The following PITPNC1 variants were observed in gnomAD, a reference collection of about 807,000 sequenced individuals.
PITPNC1 encodes the protein cytoplasmic phosphatidylinositol transfer protein 1.
PITPNC1 carries 18 observed loss-of-function variants against 44.7 expected under a neutral mutation model. That is an observed-to-expected ratio of 0.40 (90% CI 0.28 to 0.60). PITPNC1 has a LOEUF of 0.60. Ranked by LOEUF, PITPNC1 falls within the 20% of genes least tolerant of loss-of-function variation. The pLI, the probability that PITPNC1 is intolerant of heterozygous loss-of-function variation, is 0.39. For missense variants in PITPNC1, 290 were observed against 418.4 expected, an observed-to-expected ratio of 0.69 and a Z score of 2.68; for synonymous variants, 141 against 149.6, an observed-to-expected ratio of 0.94 and a Z score of 0.42.
At chr17:67,680,272 A>C (rs754353590) in intron 8 of PITPNC1, among the ~76,000 whole-genome samples, 1 of 151,774 alleles carries the variant, frequency 6.6e-6, no homozygotes, top group South Asian at 2.1e-4. Context: ...TCCCCTGCCT[A>C]CTCCCTGCTC....
Position 67,655,374 on chromosome 17 carries a change from C to T in PITPNC1, c.463-14134C>T, listed in dbSNP as rs574794499. Among the ~76,000 whole-genome samples, 8 of 151,806 alleles carry T rather than the reference C, an allele frequency of 5.3e-5. No individual in the cohort carries two copies. The East Asian group carries it at 5.9e-4, about 11-fold the overall frequency. ...GAGATCAAGACCATCCTGGCTAACA[C>T]GGTGAAACCCCATCTCTACTAAAAA... On this transcript the variant is annotated intron_variant, in intron 6 of 8. Transcript: ENST00000581322.
At chr17:67,493,957 C>T (rs963143193) in intron 1 of PITPNC1, among the ~76,000 whole-genome samples, 6 of 152,186 alleles carry the variant, frequency 3.9e-5, no homozygotes, top group Non-Finnish European at 8.8e-5. Context: ...CATTTTATTT[C>T]TGCAGTCAAC....
rs149960174 is a variant in PITPNC1 at position 67,578,597 on chromosome 17, A to G, written c.366+340A>G. Among the ~76,000 whole-genome samples, 4 of 152,324 alleles carry G rather than the reference A, an allele frequency of 2.6e-5. No individual in the cohort carries two copies. The East Asian group carries it at 5.8e-4, about 22-fold the overall frequency. ...ATTGGACAGAGTACACATCTTCTCA[A>G]TGCCTATTAATATCTACTTCGGAAA... On this transcript the variant is annotated intron_variant, in intron 5 of 8. Transcript: ENST00000581322.
At chr17:67,413,837 C>T (rs180682296) in intron 1 of PITPNC1, among the ~76,000 whole-genome samples, 208 of 152,216 alleles carry the variant, frequency 1.4e-3, no homozygotes, top group Admixed American at 4.8e-3. Context: ...GGCAGGACCT[C>T]ATAAGAAAAT....
At chr17:67,431,890 A>G (rs1305587886) in intron 1 of PITPNC1, among the ~76,000 whole-genome samples, 1 of 152,308 alleles carries the variant, frequency 6.6e-6, no homozygotes, top group East Asian at 1.9e-4. Flanking sequence ...TATTTCAGCA[A>G]CATTTATCTT....
chr17:67,400,670 C>T (rs1015103970), intron 1 of PITPNC1, among the ~76,000 whole-genome samples: 4 of 151,974 alleles, frequency 2.6e-5, no homozygotes, highest in African/African-American at 9.7e-5. Flanking sequence ...AACCAGAGCC[C>T]TCTTTCTAAA....
chr17:67,490,270 G>A (rs765288513), intron 1 of PITPNC1, among the ~76,000 whole-genome samples: 16 of 152,162 alleles, frequency 1.1e-4, no homozygotes, highest in Admixed American at 2.6e-4. Context: ...ATACTTGTGT[G>A]TGTGTGTGTG....
intron 1 of PITPNC1, among the ~76,000 whole-genome samples, chr17:67,432,201 TA>T (rs2038866113): frequency 1.3e-5 from 2 of 152,172 alleles, no homozygotes; most frequent in South Asian, 4.1e-4. Context: ...TAAAATACAC[TA>T]ACACTGGCCG....
intron 6 of PITPNC1, among the ~76,000 whole-genome samples, chr17:67,652,232 C>A (rs2042217165): frequency 6.6e-6 from 1 of 152,300 alleles, no homozygotes; most frequent in South Asian, 2.1e-4. Flanking sequence ...ATAAGATTGC[C>A]TCCAAGATGC....
At chr17:67,544,638 A>C (rs1034536035) in intron 2 of PITPNC1, among the ~76,000 whole-genome samples, 6 of 152,284 alleles carry the variant, frequency 3.9e-5, no homozygotes, top group African/African-American at 1.4e-4. Context: ...CTTCCACGGC[A>C]ATGTCTCCTG....
intron 1 of PITPNC1, among the ~76,000 whole-genome samples, chr17:67,397,996 G>C (rs1197403074): frequency 6.6e-6 from 1 of 152,006 alleles, no homozygotes. Flanking sequence ...GAGAGGCTGG[G>C]GCAGGAGAAT....
At chr17:67,427,879 G>C (rs572305788) in intron 1 of PITPNC1, among the ~76,000 whole-genome samples, 1 of 152,360 alleles carries the variant, frequency 6.6e-6, no homozygotes, top group Non-Finnish European at 1.5e-5. Flanking sequence ...TGATCAGAGA[G>C]ATTGATGGAT....
At chr17:67,599,147 T>G (rs770124000) in intron 5 of PITPNC1, among the ~76,000 whole-genome samples, 10 of 149,740 alleles carry the variant, frequency 6.7e-5, no homozygotes, top group Non-Finnish European at 1.2e-4. Flanking sequence ...CAAGAGCCAC[T>G]GTGCCTGGCT....
At chr17:67,481,922 G>A (rs1332029348) in intron 1 of PITPNC1, among the ~76,000 whole-genome samples, 2 of 152,192 alleles carry the variant, frequency 1.3e-5, no homozygotes, top group Non-Finnish European at 2.9e-5. Flanking sequence ...GAGCAAATTG[G>A]CTAGGGTCAT....
At chr17:67,460,516 C>T (rs1172999411) in intron 1 of PITPNC1, among the ~76,000 whole-genome samples, 1 of 151,824 alleles carries the variant, frequency 6.6e-6, no homozygotes, top group Non-Finnish European at 1.5e-5. Flanking sequence ...CTCTGTCTCT[C>T]GGGCTCAAGC....
chr17:67,435,903 A>G (rs775982072), intron 1 of PITPNC1, among the ~76,000 whole-genome samples: 4 of 152,220 alleles, frequency 2.6e-5, no homozygotes, highest in Non-Finnish European at 5.9e-5. Context: ...GATAAGTGGT[A>G]TAAAAAAATA....
At chr17:67,598,792 C>G (rs1367942080) in intron 5 of PITPNC1, among the ~76,000 whole-genome samples, 1 of 151,562 alleles carries the variant, frequency 6.6e-6, no homozygotes, top group Admixed American at 6.6e-5. Flanking sequence ...ACTTGGGAAG[C>G]TGAGGCAGGA....
intron 1 of PITPNC1, among the ~76,000 whole-genome samples, chr17:67,411,480 G>A (rs1406384200): frequency 6.6e-6 from 1 of 152,116 alleles, no homozygotes; most frequent in East Asian, 1.9e-4. Context: ...GAAGCATGTT[G>A]GAAAGTGCTC....
At chr17:67,605,911 A>G (rs77014466) in intron 5 of PITPNC1, among the ~76,000 whole-genome samples, 7,110 of 152,284 alleles carry the variant, frequency 0.047, 259 homozygotes, top group Admixed American at 0.1. Context: ...TTCAATGCTC[A>G]GTTTGCAGAT....
Sources: gnomAD v4.1 joint callset for allele counts (sites outside exome capture counted in the v4.1 genomes callset) on GRCh38, gnomAD v4.1.1 for gene constraint, MANE v1.5 for transcripts, NCBI Gene and HGNC (gene_info 2026-07-23, HGNC 2026-07-21) for gene names.